Variants in PIBF1 observed in about 807,000 individuals in gnomAD.
The protein encoded by PIBF1 is progesterone immunomodulatory binding factor 1, also known as progesterone-induced-blocking factor 1.
A neutral mutation model predicts 112.5 loss-of-function variants in PIBF1; 90 were observed. The observed-to-expected ratio is 0.80, with a 90% CI of 0.67 to 0.95. The LOEUF (loss-of-function observed/expected upper bound fraction) is 0.95, where lower values mean the gene tolerates loss of function less well. Among genes scored for constraint, PIBF1 ranks in the 40% least tolerant of loss-of-function variants. PIBF1 has a pLI of 0.00. For missense variants in PIBF1, 915 were observed against 852.3 expected, an observed-to-expected ratio of 1.07 and a Z score of -0.92; for synonymous variants, 301 against 288.6, an observed-to-expected ratio of 1.04 and a Z score of -0.44.
At chr13:72,985,790 A>G (rs1459410847) in intron 16 of PIBF1, among the ~76,000 whole-genome samples, 1 of 152,038 alleles carries the variant, frequency 6.6e-6, no homozygotes, top group East Asian at 1.9e-4. Context: ...ATAGGGTTTA[A>G]AGTCTGAAGT....
At chr13:72,888,817 A>G (rs2039953083) in intron 10 of PIBF1, among the ~76,000 whole-genome samples, 1 of 149,254 alleles carries the variant, frequency 6.7e-6, no homozygotes. Flanking sequence ...TGATATACAT[A>G]CATGTTTAAA....
At chr13:72,835,414 G>T in intron 9 of PIBF1, 46 bp downstream of exon 9, 2 of 1,421,664 alleles carry the variant, frequency 1.4e-6, no homozygotes, top group African/African-American at 1.5e-5. Context: ...TATCTTTGGA[G>T]GTTTTAGAAG....
At chr13:72,954,425 T>C (rs1049961694) in intron 14 of PIBF1, among the ~76,000 whole-genome samples, 14 of 152,194 alleles carry the variant, frequency 9.2e-5, no homozygotes, top group Non-Finnish European at 1.8e-4. Context: ...AAAATCATAT[T>C]GCGAATCTCA....
In PIBF1 at chr13:72,826,581, A is replaced by G. The variant is rs575890995; in HGVS notation, c.807-429A>G. The stretch of plus-strand genomic sequence containing the variant: ...ACAATTTGTGAATGAAATAGTCACA[A>G]GAATGCCTGCCTACGTATCTACTAT... On this transcript the variant is annotated intron_variant, in intron 6 of 17. Coordinates refer to ENST00000326291, the MANE Select transcript of PIBF1 (RefSeq NM_006346.4). Among the ~76,000 whole-genome samples the G allele has an allele frequency of 3.9e-5, 6 of 152,356 alleles. No homozygotes were observed. The East Asian group carries it at 1.2e-3, about 29-fold the overall frequency.
At chr13:72,883,426 G>A (rs1008812746) in intron 10 of PIBF1, among the ~76,000 whole-genome samples, 2 of 152,160 alleles carry the variant, frequency 1.3e-5, no homozygotes, top group Admixed American at 1.3e-4. Flanking sequence ...ACAACATGGT[G>A]ACTATAGTCA....
intron 4 of PIBF1, among the ~76,000 whole-genome samples, chr13:72,797,378 T>C (rs1463149671): frequency 6.6e-6 from 1 of 152,128 alleles, no homozygotes; most frequent in Non-Finnish European, 1.5e-5. Context: ...AAATTAAATA[T>C]GTAGAATATC....
intron 16 of PIBF1, among the ~76,000 whole-genome samples, chr13:72,980,289 T>TTA (rs2043124616): frequency 1.3e-5 from 2 of 152,098 alleles, no homozygotes; most frequent in African/African-American, 4.8e-5. Flanking sequence ...AGAATCTTAA[T>TTA]GAGTACCAGC....
chr13:72,958,339 G>A (rs538964948), intron 14 of PIBF1, among the ~76,000 whole-genome samples: 3 of 140,872 alleles, frequency 2.1e-5, no homozygotes, highest in African/African-American at 8.4e-5. Context: ...AAAAAGGAAT[G>A]CAGGGCCACA....
intron 8 of PIBF1, among the ~76,000 whole-genome samples, chr13:72,834,444 G>A (rs9543138): frequency 0.11 from 16,741 of 152,010 alleles, 1,265 homozygotes; most frequent in Non-Finnish European, 0.17. Context: ...GGGCAACATC[G>A]AAAACCCTGT....
chr13:72,851,009 C>A (rs991081561), intron 9 of PIBF1, among the ~76,000 whole-genome samples: 8 of 152,198 alleles, frequency 5.3e-5, no homozygotes, highest in Non-Finnish European at 1.0e-4. Flanking sequence ...ATTTTACTGA[C>A]AAATCTCTAA....
At chr13:73,005,447 C>T (rs567646956) in intron 17 of PIBF1, among the ~76,000 whole-genome samples, 3 of 150,890 alleles carry the variant, frequency 2.0e-5, no homozygotes, top group South Asian at 4.2e-4. Context: ...GCCCTCAACC[C>T]TGGATGGCAG....
chr13:72,827,238 ATTTTTTTTTTTTT>A (rs35211035), intron 7 of PIBF1, 120 bp downstream of exon 7: 1 of 138,890 alleles, frequency 7.2e-6, no homozygotes, highest in Non-Finnish European at 1.3e-5. Context: ...AAAAAGATAA[ATTTTTTTTTTTTT>A]TTTTTTTTTT....
chr13:72,874,882 C>T (rs983137418), intron 10 of PIBF1, among the ~76,000 whole-genome samples: 1 of 152,054 alleles, frequency 6.6e-6, no homozygotes, highest in Admixed American at 6.6e-5. Context: ...ACATCCCCAC[C>T]AGAGTGCTAC....
At chr13:72,915,679 A>G (rs745536527) in intron 12 of PIBF1, among the ~76,000 whole-genome samples, 32 of 152,138 alleles carry the variant, frequency 2.1e-4, no homozygotes, top group Non-Finnish European at 4.3e-4. Context: ...CTGCTAGCTG[A>G]TCATAGTATT....
intron 10 of PIBF1, among the ~76,000 whole-genome samples, chr13:72,875,061 A>G (rs1038148215): frequency 5.9e-5 from 9 of 152,344 alleles, no homozygotes; most frequent in Non-Finnish European, 1.2e-4. Flanking sequence ...TGTAATGTAT[A>G]TATCTATCAA....
intron 5 of PIBF1, among the ~76,000 whole-genome samples, chr13:72,809,743 C>G (rs2035918590): frequency 6.6e-6 from 1 of 151,898 alleles, no homozygotes; most frequent in African/African-American, 2.4e-5. Flanking sequence ...GCATGCGCCA[C>G]CATGCCTGGC....
intron 9 of PIBF1, among the ~76,000 whole-genome samples, chr13:72,835,726 C>T (rs1230264493): frequency 6.6e-6 from 1 of 152,150 alleles, no homozygotes; most frequent in Non-Finnish European, 1.5e-5. Flanking sequence ...CTTGTTAAAA[C>T]TAGAATAGTA....
chr13:72,810,493 C>T (rs1425091008), intron 5 of PIBF1, among the ~76,000 whole-genome samples: 1 of 152,266 alleles, frequency 6.6e-6, no homozygotes, highest in South Asian at 2.1e-4. Context: ...GCAAGATTAT[C>T]TTGAGGTTCA....
intron 16 of PIBF1, among the ~76,000 whole-genome samples, chr13:72,991,924 T>A (rs1460135512): frequency 6.6e-6 from 1 of 152,118 alleles, no homozygotes; most frequent in Admixed American, 6.6e-5. Context: ...TTCACCATGT[T>A]AGCCAGGATG....
Sources: allele counts gnomAD v4.1 joint callset (sites outside exome capture counted in the v4.1 genomes callset), GRCh38; gene constraint gnomAD v4.1.1; transcripts MANE v1.5; gene names NCBI Gene and HGNC (gene_info 2026-07-23, HGNC 2026-07-21).